FOXP1: variants seen among roughly 807,000 people sequenced by gnomAD.
FOXP1 encodes the protein forkhead box P1, also known as forkhead box protein P1.
A neutral mutation model predicts 98.2 loss-of-function variants in FOXP1; 15 were observed. The ratio of observed to expected loss-of-function variants is 0.15; its 90% CI spans 0.10 to 0.24. FOXP1 has a LOEUF of 0.24. FOXP1 is among the 10% of genes least tolerant of loss of function. The pLI is 1.00. For synonymous variants in FOXP1, 371 were observed against 314.5 expected, an observed-to-expected ratio of 1.18 and a Z score of -1.90; for missense variants, 633 against 848.5, an observed-to-expected ratio of 0.75 and a Z score of 3.15.
intron 6 of FOXP1, among the ~76,000 whole-genome samples, chr3:71,187,181 C>T (rs2062698399): frequency 6.6e-6 from 1 of 152,238 alleles, no homozygotes; most frequent in Non-Finnish European, 1.5e-5. Flanking sequence ...GTACAGAATG[C>T]AATCTTGACA....
At chr3:70,976,156 C>T (rs1316834081) in intron 17 of FOXP1, among the ~76,000 whole-genome samples, 2 of 150,182 alleles carry the variant, frequency 1.3e-5, no homozygotes, top group African/African-American at 2.5e-5. Context: ...CTCAAGCAAT[C>T]GTCCCACCTC....
intron 3 of FOXP1, among the ~76,000 whole-genome samples, chr3:71,409,590 GAAA>G (rs113333779): frequency 1.4e-5 from 2 of 145,732 alleles, no homozygotes; most frequent in African/African-American, 5.0e-5. Flanking sequence ...ATTTACTTTG[GAAA>G]AAAAAAAAAG....
chr3:71,198,329 T>G lies in FOXP1; in HGVS notation c.53A>C (p.Asn18Thr). Reference protein sequence around the residue: ...ETKSNGSAIQNGSGGSNHLLE... With the variant: ...ETKSNGSAIQTGSGGSNHLLE... ...TAAGTGGTTGCTGCCGCCCGACCCA[T>G]TCTGGATGGCTGAACCGTTACTTTT... Residue 18 changes from asparagine (N) to threonine (T), a missense_variant, in exon 6 of 21, where the codon AAT becomes ACT. Asn to Thr is a moderately conservative substitution (Grantham distance 65). Around this residue, in one of 6 missense-constraint regions of FOXP1, gnomAD observed 103 missense variants for 85.5 expected, o/e 1.20. Coordinates refer to ENST00000649528, the MANE Select transcript of FOXP1 (RefSeq NM_001349338.3). The G allele has an allele frequency of 6.2e-7, 1 of 1,613,722 alleles. No individual in the cohort carries two copies. The highest frequency in any genetic ancestry group is 8.5e-7 in the Non-Finnish European group (1 of 1,179,940).
intron 7 of FOXP1, among the ~76,000 whole-genome samples, chr3:71,078,683 C>T (rs11717053): frequency 0.16 from 23,694 of 151,742 alleles, 2,567 homozygotes; most frequent in East Asian, 0.43. Context: ...CCAATACCAG[C>T]ACATCCTGCA....
chr3:71,455,235 C>G (rs2087357774), intron 3 of FOXP1, among the ~76,000 whole-genome samples: 1 of 152,072 alleles, frequency 6.6e-6, no homozygotes, highest in African/African-American at 2.4e-5. Flanking sequence ...ACACATCCCC[C>G]CCGCCGTCTG....
chr3:71,070,743 G>A (rs1384225967), intron 7 of FOXP1, among the ~76,000 whole-genome samples: 6 of 152,178 alleles, frequency 3.9e-5, no homozygotes, highest in Non-Finnish European at 8.8e-5. Context: ...GGGTTTAACA[G>A]TGCAACTCCT....
intron 3 of FOXP1, among the ~76,000 whole-genome samples, chr3:71,492,204 C>A (rs2091107292): frequency 6.6e-6 from 1 of 152,122 alleles, no homozygotes; most frequent in African/African-American, 2.4e-5. Flanking sequence ...GTAATCCCAG[C>A]ACTTTAGGAG....
chr3:71,385,640 A>G (rs2080513733), intron 3 of FOXP1, among the ~76,000 whole-genome samples: 1 of 152,256 alleles, frequency 6.6e-6, no homozygotes, highest in African/African-American at 2.4e-5. Context: ...ATGAATGTAT[A>G]TAGGAATACA....
intron 5 of FOXP1, among the ~76,000 whole-genome samples, chr3:71,233,613 G>A (rs1184920709): frequency 1.1e-5 from 1 of 87,712 alleles, no homozygotes; most frequent in African/African-American, 4.2e-5. Context: ...TTTTTTTTTT[G>A]GTATTTTTAG....
At chr3:71,003,756 T>C (rs1320939290) in intron 12 of FOXP1, among the ~76,000 whole-genome samples, 1 of 152,230 alleles carries the variant, frequency 6.6e-6, no homozygotes, top group Non-Finnish European at 1.5e-5. Flanking sequence ...AAAATGCTTA[T>C]GCAGGAGCAT....
chr3:71,214,755 C>T (rs969591920), intron 5 of FOXP1, among the ~76,000 whole-genome samples: 2 of 152,058 alleles, frequency 1.3e-5, no homozygotes, highest in African/African-American at 2.4e-5. Flanking sequence ...GAGAGAGGAG[C>T]GGGGGAGAGA....
intron 3 of FOXP1, among the ~76,000 whole-genome samples, chr3:71,432,812 C>A (rs1291758518): frequency 7.1e-6 from 1 of 141,022 alleles, no homozygotes; most frequent in Non-Finnish European, 1.5e-5. Context: ...CAAAGCAGTT[C>A]GACACTTAAC....
At chr3:70,986,319 C>A (rs557461662) in intron 14 of FOXP1, among the ~76,000 whole-genome samples, 1 of 152,252 alleles carries the variant, frequency 6.6e-6, no homozygotes, top group Non-Finnish European at 1.5e-5. Flanking sequence ...TTTTGTAGTT[C>A]CTTATCTTTA....
chr3:71,456,159 C>T (rs1399643692), intron 3 of FOXP1, among the ~76,000 whole-genome samples: 1 of 152,090 alleles, frequency 6.6e-6, no homozygotes, highest in Non-Finnish European at 1.5e-5. Context: ...ACAGCCCTTC[C>T]CTAGCAAAGA....
chr3:71,531,533 A>T (rs1190303740), intron 2 of FOXP1, among the ~76,000 whole-genome samples: 1 of 152,210 alleles, frequency 6.6e-6, no homozygotes, highest in African/African-American at 2.4e-5. Context: ...GAAACAAACA[A>T]ATAAGTGAGG....
At chr3:71,504,697 A>T (rs2041675917) in intron 2 of FOXP1, among the ~76,000 whole-genome samples, 1 of 152,196 alleles carries the variant, frequency 6.6e-6, no homozygotes, top group South Asian at 2.1e-4. Flanking sequence ...CCAAGGGAAG[A>T]GCTGATGATC....
At chr3:71,098,556 G>A (rs1440740935) in intron 7 of FOXP1, among the ~76,000 whole-genome samples, 1 of 152,090 alleles carries the variant, frequency 6.6e-6, no homozygotes, top group Non-Finnish European at 1.5e-5. Flanking sequence ...TCGCGAACCT[G>A]AGACCAGTCT....
intron 2 of FOXP1, chr3:71,571,211 G>C (rs977761376): frequency 7.2e-5 from 11 of 152,070 alleles, no homozygotes; most frequent in Non-Finnish European, 1.5e-4. Flanking sequence ...AGTAACCCAG[G>C]AAAAGATTCT....
At chr3:71,284,638 T>C (rs1244821538) in intron 5 of FOXP1, among the ~76,000 whole-genome samples, 6 of 152,138 alleles carry the variant, frequency 3.9e-5, no homozygotes, top group Admixed American at 3.9e-4. Flanking sequence ...ATGGTGTCAA[T>C]ACCCAACATT....
Sources: gnomAD v4.1 joint callset for allele counts (sites outside exome capture counted in the v4.1 genomes callset) on GRCh38, gnomAD v4.1.1 for gene constraint, gnomAD v4.1.1 regional missense constraint, MANE v1.5 for transcripts, NCBI Gene and HGNC (gene_info 2026-07-23, HGNC 2026-07-21) for gene names.